Variants in GNG12 observed in about 807,000 individuals in gnomAD.
The protein encoded by GNG12 is guanine nucleotide-binding protein G(I)/G(S)/G(O) subunit gamma-12.
For missense variants in GNG12, 69 were observed against 83.8 expected, an observed-to-expected ratio of 0.82 and a Z score of 0.69; for synonymous variants, 28 against 29.7, an observed-to-expected ratio of 0.94 and a Z score of 0.19.
chr1:67,710,793 C>G (rs188529343), intron 2 of GNG12, among the ~76,000 whole-genome samples: 28 of 152,314 alleles, frequency 1.8e-4, no homozygotes, highest in Middle Eastern at 3.4e-3. Flanking sequence ...AACCTCGTTA[C>G]TCAGAGGCTC....
At chr1:67,801,317 CAATA>C (rs1157028958) in intron 1 of GNG12, among the ~76,000 whole-genome samples, 4 of 152,122 alleles carry the variant, frequency 2.6e-5, no homozygotes, top group African/African-American at 9.7e-5. Flanking sequence ...GGAAAGCACA[CAATA>C]AATATTCACT....
At chr1:67,745,166 G>C (rs555312219) in intron 2 of GNG12, among the ~76,000 whole-genome samples, 3 of 152,202 alleles carry the variant, frequency 2.0e-5, no homozygotes, top group Non-Finnish European at 4.4e-5. Flanking sequence ...CTCTTGTATG[G>C]GTACTTATAC....
At chr1:67,814,412 T>C (rs1646942615) in intron 1 of GNG12, among the ~76,000 whole-genome samples, 1 of 152,212 alleles carries the variant, frequency 6.6e-6, no homozygotes. Context: ...ATAATAACCA[T>C]TAGCAAAACT....
Position 67,702,211 on chromosome 1 carries a change from TAAAA to T in GNG12, c.*3236_*3239del, listed in dbSNP as rs1646219639. On this transcript the variant is annotated 3_prime_UTR_variant, in exon 4 of 4. Transcript: ENST00000370982. ...TTTTTCCCCATTAACAGGTCTACCATAAAAGAAAGCAATAAAACCCATAATGTAC... is the reference window on the plus strand; with the variant it reads ...TTTTTCCCCATTAACAGGTCTACCATGAAAGCAATAAAACCCATAATGTAC... The T allele has an allele frequency of 6.6e-6, 1 of 152,178 alleles. No homozygotes were observed. Among genetic ancestry groups the T allele is most frequent in the Admixed American group, 6.5e-5 (1 of 15,280 alleles). 9.4% of individuals were successfully genotyped at this position (152,178 alleles called of 1,614,324 possible).
intron 2 of GNG12, among the ~76,000 whole-genome samples, chr1:67,766,106 G>GCACACACA (rs59348663): frequency 0.033 from 4,617 of 139,792 alleles, 123 homozygotes; most frequent in Non-Finnish European, 0.043. Context: ...AGGCACACAC[G>GCACACACA]CACACACACA....
intron 2 of GNG12, among the ~76,000 whole-genome samples, chr1:67,709,465 A>G (rs1646268551): frequency 6.6e-6 from 1 of 152,148 alleles, no homozygotes; most frequent in Admixed American, 6.6e-5. Flanking sequence ...AGTGACAGCC[A>G]TCAGAGGATT....
chr1:67,709,827 AAT>A (rs1011266674), intron 2 of GNG12, among the ~76,000 whole-genome samples: 10 of 124,862 alleles, frequency 8.0e-5, no homozygotes, highest in South Asian at 2.3e-4. Flanking sequence ...TATATATATA[AAT>A]ATATATATAT....
intron 1 of GNG12, among the ~76,000 whole-genome samples, chr1:67,784,517 T>TC (rs1553158746): frequency 6.6e-6 from 1 of 150,946 alleles, no homozygotes; most frequent in Non-Finnish European, 1.5e-5. Context: ...CAATTTCTAT[T>TC]AAAAAAAAAG....
At chr1:67,759,493 C>T (rs77816666) in intron 2 of GNG12, among the ~76,000 whole-genome samples, 5 of 152,114 alleles carry the variant, frequency 3.3e-5, no homozygotes, top group South Asian at 2.1e-4. Flanking sequence ...GTGTGACCTG[C>T]GAATATCTGT....
At chr1:67,763,704 T>G (rs539939361) in intron 2 of GNG12, among the ~76,000 whole-genome samples, 69 of 152,266 alleles carry the variant, frequency 4.5e-4, no homozygotes, top group South Asian at 3.5e-3. Flanking sequence ...ATGTCCTTAT[T>G]AGAGAATTTT....
chr1:67,717,881 T>C (rs993395444), intron 2 of GNG12, among the ~76,000 whole-genome samples: 4 of 152,224 alleles, frequency 2.6e-5, no homozygotes, highest in Non-Finnish European at 4.4e-5. Context: ...TCCCGGCTCA[T>C]CACTTATTAC....
chr1:67,732,658 T>C (rs1394256373), intron 2 of GNG12, among the ~76,000 whole-genome samples: 1 of 152,214 alleles, frequency 6.6e-6, no homozygotes, highest in Non-Finnish European at 1.5e-5. Context: ...AGCTCTTTCA[T>C]GTCTATTATC....
At chr1:67,769,321 G>A (rs1398198185) in intron 2 of GNG12, among the ~76,000 whole-genome samples, 1 of 152,156 alleles carries the variant, frequency 6.6e-6, no homozygotes. Context: ...AGGAGGGCAC[G>A]TTGGCAGGGA....
rs776927826 is a variant in GNG12, at chr1:67,761,821, G to A, written c.-27+15637C>T. Among the ~76,000 whole-genome samples, 67 of 152,202 alleles carry A rather than the reference G, an allele frequency of 4.4e-4. 2 individuals are homozygous for A. In the Middle Eastern group the frequency reaches 0.01, roughly 23 times the overall value. On this transcript the variant is annotated intron_variant, in intron 2 of 3. Transcript: ENST00000370982. ...GGAGGGTGCAGGGAGAGAGGCAGGG[G>A]CAATCAGGAAAACTCTCTCAGTGAT...
Position 67,833,448 on chromosome 1 carries a change from G to C in GNG12, c.-181C>G, listed in dbSNP as rs902501018. 2.0e-6 allele frequency: 2 copies of C among 985,150 alleles called. No homozygotes were observed. Among genetic ancestry groups the C allele is most frequent in the Admixed American group, 1.2e-4 (2 of 16,234 alleles). The allele number at this position is 985,150 out of a possible 1,614,324, so 61.0% of individuals were successfully genotyped here. A position where few individuals can be genotyped will look rare whatever the true frequency, so the allele number is the denominator to read the frequency against. ...TCCTCCTCCTCCTCTTGCTCCTCCG[G>C]GCGCCGGCTCCGCCTCGCTGGGGTG... On this transcript the variant is annotated 5_prime_UTR_variant, in exon 1 of 4. Coordinates refer to ENST00000370982, the MANE Select transcript of GNG12 (RefSeq NM_018841.6).
chr1:67,723,233 A>C (rs1442008339), intron 2 of GNG12, among the ~76,000 whole-genome samples: 1 of 152,184 alleles, frequency 6.6e-6, no homozygotes, highest in Non-Finnish European at 1.5e-5. Context: ...CAAGGGGTGC[A>C]TGAAGAAAAG....
chr1:67,736,458 A>G (rs529387542), intron 2 of GNG12, among the ~76,000 whole-genome samples: 1 of 152,246 alleles, frequency 6.6e-6, no homozygotes, highest in East Asian at 1.9e-4. Flanking sequence ...GGCAGCTCTA[A>G]ACACTAGACT....
chr1:67,707,784 C>G (rs1473847410), intron 2 of GNG12, 72 bp from the exon 3 acceptor site: 1 of 747,706 alleles, frequency 1.3e-6, no homozygotes, highest in African/African-American at 1.8e-5. Flanking sequence ...ATAATATGTT[C>G]TACTTAAAGG....
chr1:67,768,803 AT>A (rs1359270169), intron 2 of GNG12, among the ~76,000 whole-genome samples: 1 of 152,242 alleles, frequency 6.6e-6, no homozygotes, highest in East Asian at 1.9e-4. Flanking sequence ...ATGTATACAT[AT>A]AAAAAGTATG....
Sources: gnomAD v4.1 joint callset for allele counts (sites outside exome capture counted in the v4.1 genomes callset) on GRCh38, gnomAD v4.1.1 for gene constraint, MANE v1.5 for transcripts, NCBI Gene and HGNC (gene_info 2026-07-23, HGNC 2026-07-21) for gene names.